Variants in MAPK9 observed in about 807,000 individuals in gnomAD.
MAPK9 encodes the protein Jun kinase.
MAPK9 carries 30 observed loss-of-function variants against 57.1 expected under a neutral mutation model. The ratio of observed to expected loss-of-function variants is 0.53; its 90% CI spans 0.39 to 0.71. The LOEUF (loss-of-function observed/expected upper bound fraction) is 0.71, where lower values mean the gene tolerates loss of function less well. Ranked by LOEUF, MAPK9 falls within the 30% of genes least tolerant of loss-of-function variation. The pLI is 0.00. For synonymous variants in MAPK9, 155 were observed against 177.0 expected (o/e 0.88, Z 0.99); for missense variants, 362 against 521.0 (o/e 0.69, Z 2.97).
At chr5:180,262,716 C>A (rs542887787) in intron 4 of MAPK9, among the ~76,000 whole-genome samples, 1 of 152,304 alleles carries the variant, frequency 6.6e-6, no homozygotes, top group East Asian at 1.9e-4. Context: ...GGATTACAGG[C>A]ATGAGCCACT....
At chr5:180,284,731 G>A (rs1202507417) in intron 1 of MAPK9, among the ~76,000 whole-genome samples, 3 of 152,166 alleles carry the variant, frequency 2.0e-5, no homozygotes, top group Non-Finnish European at 4.4e-5. Context: ...AAAACTAGAA[G>A]TAATCTAAAA....
At chr5:180,274,022 T>C (rs887449294) in intron 2 of MAPK9, among the ~76,000 whole-genome samples, 10 of 152,222 alleles carry the variant, frequency 6.6e-5, no homozygotes, top group African/African-American at 2.4e-4. Flanking sequence ...TTGCAATCAC[T>C]CTAGACAAGT....
chr5:180,280,666 G>GT (rs1432127767), intron 1 of MAPK9, 58 bp from the exon 2 acceptor site: 1 of 1,367,248 alleles, frequency 7.3e-7, no homozygotes, highest in Admixed American at 2.4e-5. Flanking sequence ...CGCAGCTCAC[G>GT]TAAGAGAGTT....
chr5:180,261,972 A>C (rs530786163), intron 4 of MAPK9, 150 bp from the exon 5 acceptor site: 1 of 572,456 alleles, frequency 1.7e-6, no homozygotes, highest in African/African-American at 1.9e-5. Context: ...AAATTTTCCA[A>C]AGAATATATA....
chr5:180,238,254 A>C (rs777868879), intron 11 of MAPK9, 78 bp downstream of exon 11: 9 of 1,148,666 alleles, frequency 7.8e-6, no homozygotes, highest in Non-Finnish European at 1.2e-5. Flanking sequence ...TGGGCGACAG[A>C]ACGAAACTCT....
At chr5:180,248,004 G>A (rs921321238) in intron 6 of MAPK9, 16 of 1,384,558 alleles carry the variant, frequency 1.2e-5, no homozygotes, top group African/African-American at 5.7e-5. Context: ...GGACAAACCC[G>A]GTACACGTCA....
At chr5:180,255,265 C>T (rs981866309) in intron 5 of MAPK9, among the ~76,000 whole-genome samples, 4 of 152,012 alleles carry the variant, frequency 2.6e-5, no homozygotes, top group South Asian at 2.1e-4. Context: ...TTGGAGGATG[C>T]GTCCCACCAA....
intron 1 of MAPK9, among the ~76,000 whole-genome samples, chr5:180,289,275 C>T (rs891023166): frequency 2.0e-5 from 3 of 151,940 alleles, no homozygotes; most frequent in African/African-American, 7.3e-5. Flanking sequence ...ATTTACGGGA[C>T]CAAATAAACA....
At chr5:180,242,515 G>C (rs1190582441) in intron 8 of MAPK9, 58 bp downstream of exon 8, 2 of 1,465,444 alleles carry the variant, frequency 1.4e-6, no homozygotes, top group Non-Finnish European at 1.9e-6. Flanking sequence ...AAACATGAAA[G>C]AGTGAAAGCA....
intron 5 of MAPK9, among the ~76,000 whole-genome samples, chr5:180,254,897 G>A (rs1446933574): frequency 1.3e-5 from 2 of 152,178 alleles, no homozygotes; most frequent in Admixed American, 1.3e-4. Flanking sequence ...AGCTGGGCGT[G>A]GTGGCGGACG....
chr5:180,279,377 C>T (rs760667053), intron 2 of MAPK9, among the ~76,000 whole-genome samples: 19 of 152,156 alleles, frequency 1.2e-4, no homozygotes, highest in Non-Finnish European at 2.4e-4. Flanking sequence ...GTCCCTTTCC[C>T]GCCTTAGCTT....
intron 1 of MAPK9, among the ~76,000 whole-genome samples, chr5:180,281,540 T>G (rs1037508028): frequency 3.9e-5 from 6 of 152,194 alleles, no homozygotes; most frequent in Admixed American, 3.9e-4. Flanking sequence ...AACAATAAAA[T>G]CATATAGGTA....
intron 5 of MAPK9, among the ~76,000 whole-genome samples, chr5:180,259,698 G>C (rs1359650386): frequency 2.0e-5 from 3 of 152,052 alleles, no homozygotes; most frequent in African/African-American, 7.2e-5. Flanking sequence ...TCATACTGGA[G>C]AGAAACCCTT....
intron 1 of MAPK9, among the ~76,000 whole-genome samples, chr5:180,289,586 C>A (rs1763052965): frequency 1.3e-5 from 2 of 152,150 alleles, no homozygotes; most frequent in Admixed American, 1.3e-4. Context: ...AAGAAACAGA[C>A]TACTTAGACT....
chr5:180,276,374 G>A (rs929267457), intron 2 of MAPK9, among the ~76,000 whole-genome samples: 4 of 152,022 alleles, frequency 2.6e-5, no homozygotes, highest in African/African-American at 9.7e-5. Flanking sequence ...TTCATAGAAT[G>A]GTTTCGTAAA....
At chr5:180,239,178 C>T (rs546990123) in intron 10 of MAPK9, among the ~76,000 whole-genome samples, 1 of 152,210 alleles carries the variant, frequency 6.6e-6, no homozygotes. Flanking sequence ...CTTCGGTTTT[C>T]CTCAACTTTC....
chr5:180,263,769 G>A (rs959579934), intron 4 of MAPK9, among the ~76,000 whole-genome samples: 4 of 147,874 alleles, frequency 2.7e-5, no homozygotes, highest in Non-Finnish European at 5.9e-5. Context: ...GCAGTGGTGC[G>A]ATCTTGGCTC....
At chr5:180,265,253 C>T (rs530029513) in intron 3 of MAPK9, among the ~76,000 whole-genome samples, 1 of 152,320 alleles carries the variant, frequency 6.6e-6, no homozygotes, top group Non-Finnish European at 1.5e-5. Context: ...CTCGTAGCAT[C>T]ATATTTTTAC....
intron 2 of MAPK9, among the ~76,000 whole-genome samples, chr5:180,278,246 C>T (rs971932072): frequency 6.6e-5 from 10 of 152,234 alleles, no homozygotes; most frequent in Non-Finnish European, 1.3e-4. Flanking sequence ...CCCCGTGAGA[C>T]GGGAGAAGCA....
Sources: allele counts gnomAD v4.1 joint callset (sites outside exome capture counted in the v4.1 genomes callset), GRCh38; gene constraint gnomAD v4.1.1; transcripts MANE v1.5; gene names NCBI Gene and HGNC (gene_info 2026-07-23, HGNC 2026-07-21).